The following HUWE1 variants were observed in gnomAD, a reference collection of about 807,000 sequenced individuals.
HUWE1 encodes the protein E3 ubiquitin-protein ligase HUWE1.
Under a neutral mutation model 299.4 loss-of-function variants are expected in HUWE1, and 18 were observed. The ratio of observed to expected loss-of-function variants is 0.06; its 90% CI spans 0.04 to 0.09. The LOEUF (loss-of-function observed/expected upper bound fraction) is 0.09, where lower values mean the gene tolerates loss of function less well. Among genes scored for constraint, HUWE1 ranks in the 10% least tolerant of loss-of-function variants. The pLI is 1.00. For synonymous variants in HUWE1, 1,317 were observed against 1,286.1 expected (o/e 1.02, Z -0.51); for missense variants, 1,832 against 3,462.3 (o/e 0.53, Z 11.82).
chrX:53,578,666 C>T (rs1487859360), intron 43 of HUWE1, among the ~76,000 whole-genome samples: 13 of 83,140 alleles, frequency 1.6e-4, no homozygotes, highest in East Asian at 4.3e-4. Context: ...CCGCCCCATC[C>T]GGGAGGGAGG....
intron 53 of HUWE1, 143 bp from the exon 54 acceptor site, chrX:53,562,387 T>TA: frequency 2.6e-6 from 2 of 776,531 alleles, no homozygotes; most frequent in Non-Finnish European, 3.8e-6. Context: ...TGTACAGACT[T>TA]AGTGAGCCAG....
At chrX:53,679,424 A>C (rs1439481546) in intron 3 of HUWE1, among the ~76,000 whole-genome samples, 1 of 112,494 alleles carries the variant, frequency 8.9e-6, no homozygotes, top group Admixed American at 9.4e-5. Flanking sequence ...AAATACAAAC[A>C]AGTATTTTAC....
At chrX:53,618,883 A>AC (rs200068567) in intron 19 of HUWE1, among the ~76,000 whole-genome samples, 1,660 of 111,125 alleles carry the variant, frequency 0.015, 36 homozygotes, top group African/African-American at 0.052. Flanking sequence ...AAAAGGGGAA[A>AC]AAAAAAAAAA....
intron 7 of HUWE1, among the ~76,000 whole-genome samples, chrX:53,641,849 A>C (rs1288409013): frequency 2.7e-5 from 3 of 111,698 alleles, no homozygotes; most frequent in African/African-American, 9.7e-5. Flanking sequence ...ACTTGTCTCT[A>C]TTTAGACCAT....
chrX:53,534,310 C>T (rs1390408052), intron 82 of HUWE1, 113 bp from the exon 83 acceptor site: 9 of 745,371 alleles, frequency 1.2e-5, no homozygotes, highest in Admixed American at 2.6e-5. Flanking sequence ...CAAGTCCCTT[C>T]TGTGGGATGA....
chrX:53,584,923 G>C, intron 40 of HUWE1, 89 bp downstream of exon 40: 1 of 985,101 alleles, frequency 1.0e-6, no homozygotes. Flanking sequence ...AAACCTCAAT[G>C]TGTGGTGTTG....
At chrX:53,535,102 A>G (rs1279906386) in intron 81 of HUWE1, among the ~76,000 whole-genome samples, 5 of 110,664 alleles carry the variant, frequency 4.5e-5, no homozygotes, top group Non-Finnish European at 9.5e-5. Context: ...ACACTTGGCT[A>G]ATTTTTTATT....
intron 43 of HUWE1, among the ~76,000 whole-genome samples, chrX:53,577,506 T>G: frequency 1.3e-5 from 1 of 75,761 alleles, no homozygotes; most frequent in African/African-American, 4.3e-5. Flanking sequence ...CTCCTCTCCC[T>G]CTCCCTCTCC....
chrX:53,618,858 C>T lies in HUWE1; in HGVS notation c.1673-1412G>A, dbSNP rs782740530. 1.4e-4 allele frequency among the ~76,000 whole-genome samples: 15 copies of T among 108,338 alleles called. No individual in the cohort carries two copies. The South Asian group carries it at 4.0e-3, about 29-fold the overall frequency. 94.1% of individuals were successfully genotyped at this position (108,338 alleles called of 115,157 possible). On this transcript the variant is annotated intron_variant, in intron 19 of 83. Coordinates refer to ENST00000262854, the MANE Select transcript of HUWE1 (RefSeq NM_031407.7). ...GATTATAGGCGTGAGCCACCGTGCCCGTTCCAGAATTTTTAAAAGGGGAAA... is the reference window on the plus strand; with the variant it reads ...GATTATAGGCGTGAGCCACCGTGCCTGTTCCAGAATTTTTAAAAGGGGAAA...
intron 8 of HUWE1, among the ~76,000 whole-genome samples, chrX:53,632,941 C>A (rs2066966762): frequency 8.9e-6 from 1 of 112,476 alleles, no homozygotes; most frequent in African/African-American, 3.2e-5. Flanking sequence ...AATACCAGGG[C>A]CCAGAAACCA....
At chrX:53,554,120 G>A (rs1164100101) in intron 61 of HUWE1, among the ~76,000 whole-genome samples, 1 of 111,680 alleles carries the variant, frequency 9.0e-6, no homozygotes, top group East Asian at 2.8e-4. Context: ...AAGTCAGACA[G>A]ATCTGGGTTT....
At chrX:53,622,069 A>G (rs1321773613) in intron 19 of HUWE1, among the ~76,000 whole-genome samples, 1 of 112,159 alleles carries the variant, frequency 8.9e-6, no homozygotes, top group East Asian at 2.8e-4. Flanking sequence ...AGGGAGAAGG[A>G]GTCAGAATAT....
chrX:53,669,865 T>C (rs1280375598), intron 3 of HUWE1, among the ~76,000 whole-genome samples: 1 of 112,407 alleles, frequency 8.9e-6, no homozygotes, highest in African/African-American at 3.2e-5. Context: ...CATAAGTATA[T>C]ACTTAACACA....
At chrX:53,623,341 G>A (rs1036158629) in intron 19 of HUWE1, among the ~76,000 whole-genome samples, 5 of 110,356 alleles carry the variant, frequency 4.5e-5, no homozygotes, top group Admixed American at 9.6e-5. Context: ...GCCTTGAGAC[G>A]TCCCCACCGT....
chrX:53,640,395 T>C (rs1265086740), intron 7 of HUWE1, among the ~76,000 whole-genome samples: 5 of 111,753 alleles, frequency 4.5e-5, no homozygotes, highest in East Asian at 2.8e-4. Flanking sequence ...GAAGCCCACA[T>C]GAACAAGTCA....
chrX:53,670,623 C>T (rs782208525), intron 3 of HUWE1, among the ~76,000 whole-genome samples: 24 of 111,553 alleles, frequency 2.2e-4, no homozygotes, highest in Non-Finnish European at 4.0e-4. Flanking sequence ...AAATTCTCTA[C>T]GTAAAAGGAT....
At chrX:53,605,692 T>C (rs1290738824) in intron 25 of HUWE1, among the ~76,000 whole-genome samples, 1 of 111,841 alleles carries the variant, frequency 8.9e-6, no homozygotes, top group Non-Finnish European at 1.9e-5. Context: ...CTAAAATTTA[T>C]ATGAAATCTT....
At chrX:53,576,876 T>C in intron 44 of HUWE1, 24 bp downstream of exon 44, 1 of 1,208,974 alleles carries the variant, frequency 8.3e-7, no homozygotes, top group Middle Eastern at 2.4e-4. Context: ...GTGCCCAGCC[T>C]CCTGAGGTAG....
chrX:53,651,619 TC>T (rs201358860), intron 4 of HUWE1, among the ~76,000 whole-genome samples: 1,504 of 111,780 alleles, frequency 0.013, 25 homozygotes, highest in African/African-American at 0.047. Flanking sequence ...TATTGTTTTT[TC>T]CCCCAAATAT....
Sources: gnomAD v4.1 joint callset for allele counts (sites outside exome capture counted in the v4.1 genomes callset) on GRCh38, gnomAD v4.1.1 for gene constraint, MANE v1.5 for transcripts, NCBI Gene and HGNC (gene_info 2026-07-23, HGNC 2026-07-21) for gene names.